Variants in ACYP2 observed in about 807,000 individuals in gnomAD.
The protein encoded by ACYP2 is acylphosphatase-2.
In ACYP2, 12 loss-of-function variants were observed where a neutral mutation model predicts 11.2. That is an observed-to-expected ratio of 1.08 (90% CI 0.69 to 1.74). The LOEUF (loss-of-function observed/expected upper bound fraction) is 1.74. Among genes scored for constraint, ACYP2 ranks in the 40% most tolerant of loss-of-function variants. ACYP2 has a pLI of 0.00. For synonymous variants in ACYP2, 43 were observed against 32.2 expected (o/e 1.33, Z -1.13); for missense variants, 134 against 101.9 (o/e 1.31, Z -1.35).
At chr2:54,153,144 T>C (rs1682259864) in intron 6 of ACYP2, among the ~76,000 whole-genome samples, 1 of 152,204 alleles carries the variant, frequency 6.6e-6, no homozygotes, top group Non-Finnish European at 1.5e-5. Flanking sequence ...GAGTTGTGTT[T>C]TGTATATGGT....
chr2:54,127,868 C>T (rs1473615853), intron 4 of ACYP2, among the ~76,000 whole-genome samples: 3 of 151,916 alleles, frequency 2.0e-5, no homozygotes, highest in Non-Finnish European at 4.4e-5. Flanking sequence ...CATGGCCAAT[C>T]GACTCATCTA....
chr2:54,184,515 A>G (rs1282142756), intron 6 of ACYP2, among the ~76,000 whole-genome samples: 1 of 152,214 alleles, frequency 6.6e-6, no homozygotes, highest in African/African-American at 2.4e-5. Flanking sequence ...AACTAAAAAA[A>G]GAGAAAGAAA....
At chr2:54,178,731 T>A (rs1194583855) in intron 6 of ACYP2, among the ~76,000 whole-genome samples, 1 of 152,196 alleles carries the variant, frequency 6.6e-6, no homozygotes, top group African/African-American at 2.4e-5. Flanking sequence ...TACAGTTTGA[T>A]CACCATGTAA....
intron 4 of ACYP2, among the ~76,000 whole-genome samples, chr2:54,130,850 C>T (rs1680859630): frequency 1.3e-5 from 2 of 152,146 alleles, no homozygotes; most frequent in African/African-American, 2.4e-5. Flanking sequence ...TCTCATCATA[C>T]TAATTTTTGC....
At chr2:54,161,919 C>G (rs1320838426) in intron 6 of ACYP2, among the ~76,000 whole-genome samples, 6 of 151,888 alleles carry the variant, frequency 4.0e-5, no homozygotes, top group Admixed American at 3.3e-4. Flanking sequence ...TTTGGTAAGT[C>G]TTTGTTTTAA....
At chr2:54,141,997 G>C in intron 6 of ACYP2, 1 of 461,556 alleles carries the variant, frequency 2.2e-6, no homozygotes. Flanking sequence ...GTGTGTGTGT[G>C]TGTGTGTGTG....
intron 6 of ACYP2, among the ~76,000 whole-genome samples, chr2:54,204,575 C>G (rs1684996552): frequency 6.6e-6 from 1 of 152,156 alleles, no homozygotes; most frequent in Non-Finnish European, 1.5e-5. Context: ...ATATCCTGTT[C>G]TTGCTGTCTT....
intron 6 of ACYP2, among the ~76,000 whole-genome samples, chr2:54,217,572 C>T (rs1251862335): frequency 6.6e-6 from 1 of 151,896 alleles, no homozygotes; most frequent in African/African-American, 2.4e-5. Flanking sequence ...GGGGTTTCAC[C>T]GTGTTGCCCA....
intron 6 of ACYP2, among the ~76,000 whole-genome samples, chr2:54,287,959 CTTGA>C (rs1689148266): frequency 6.6e-6 from 1 of 151,964 alleles, no homozygotes; most frequent in African/African-American, 2.4e-5. Flanking sequence ...ATGCTGCTTG[CTTGA>C]TTGTCTTGGA....
chr2:54,175,528 T>C (rs1465484817), intron 6 of ACYP2, among the ~76,000 whole-genome samples: 1 of 152,144 alleles, frequency 6.6e-6, no homozygotes, highest in African/African-American at 2.4e-5. Context: ...TATCTCTATC[T>C]CCTTCAGTTC....
rs1676716794 is a variant in ACYP2, at chr2:54,065,850, T to A, written c.277+8490T>A. On this transcript the variant is annotated intron_variant, in intron 4 of 6. Coordinates refer to ENST00000607452, the MANE Select transcript of ACYP2 (RefSeq NM_001320586.2). ...GAATAGATTCTTGCCTAAAGTCCAC[T>A]ATCATCAGCACTTACAAGATGGAAC... 4 of 223,796 alleles carry A rather than the reference T, an allele frequency of 1.8e-5. No individual in the cohort carries two copies. The East Asian group carries it at 3.7e-4, about 21-fold the overall frequency. The allele number at this position is 223,796 out of a possible 1,614,324, so 13.9% of individuals were successfully genotyped here.
At chr2:54,149,978 T>G (rs1039754926) in intron 6 of ACYP2, among the ~76,000 whole-genome samples, 5 of 152,212 alleles carry the variant, frequency 3.3e-5, no homozygotes, top group African/African-American at 1.2e-4. Context: ...TAATCTTGAT[T>G]GGAGCCATGG....
At chr2:54,022,143 C>G (rs1674038121) in intron 2 of ACYP2, among the ~76,000 whole-genome samples, 1 of 152,064 alleles carries the variant, frequency 6.6e-6, no homozygotes, top group South Asian at 2.1e-4. Flanking sequence ...GAATGTCTTG[C>G]CACATTTGCT....
intron 3 of ACYP2, among the ~76,000 whole-genome samples, chr2:54,055,079 C>T (rs1202240653): frequency 3.3e-5 from 5 of 152,228 alleles, no homozygotes; most frequent in Admixed American, 6.5e-5. Context: ...CTCTGTCAAC[C>T]GGGCTAGAGT....
At chr2:54,072,792 A>AT (rs1677134632) in intron 4 of ACYP2, among the ~76,000 whole-genome samples, 2 of 151,844 alleles carry the variant, frequency 1.3e-5, no homozygotes, top group Non-Finnish European at 2.9e-5. Flanking sequence ...TGAACTCCTG[A>AT]CCTCAAATGA....
At chr2:54,195,660 T>C (rs1684438236) in intron 6 of ACYP2, among the ~76,000 whole-genome samples, 1 of 148,304 alleles carries the variant, frequency 6.7e-6, no homozygotes, top group Non-Finnish European at 1.5e-5. Context: ...AACAAAACAC[T>C]GTACTAACTG....
At chr2:54,235,465 C>G (rs1015941965) in intron 6 of ACYP2, among the ~76,000 whole-genome samples, 5 of 152,196 alleles carry the variant, frequency 3.3e-5, no homozygotes, top group African/African-American at 1.2e-4. Context: ...TCTCCTGCCT[C>G]AGCCTCCAGA....
chr2:54,076,716 G>A (rs939235385), intron 4 of ACYP2, among the ~76,000 whole-genome samples: 1 of 152,198 alleles, frequency 6.6e-6, no homozygotes, highest in Non-Finnish European at 1.5e-5. Context: ...GGATCAGGGA[G>A]GGAGAGAGAG....
At chr2:54,227,314 C>T (rs2103960233) in intron 6 of ACYP2, among the ~76,000 whole-genome samples, 1 of 152,208 alleles carries the variant, frequency 6.6e-6, no homozygotes, top group Admixed American at 6.5e-5. Flanking sequence ...AACTTATTTT[C>T]TTTGTCCCTC....
Sources: gnomAD v4.1 joint callset for allele counts (sites outside exome capture counted in the v4.1 genomes callset) on GRCh38, gnomAD v4.1.1 for gene constraint, MANE v1.5 for transcripts, NCBI Gene and HGNC (gene_info 2026-07-23, HGNC 2026-07-21) for gene names.